GRAMD4: variants seen among roughly 807,000 people sequenced by gnomAD.
GRAMD4 encodes the protein GRAM domain containing 4, also known as GRAM domain-containing protein 4.
A neutral mutation model predicts 83.9 loss-of-function variants in GRAMD4; 25 were observed. The observed-to-expected ratio is 0.30, with a 90% CI of 0.22 to 0.42. The LOEUF is 0.42. Ranked by LOEUF, GRAMD4 falls within the 10% of genes least tolerant of loss-of-function variation. The pLI, the probability that GRAMD4 is intolerant of heterozygous loss-of-function variation, is 1.00. For synonymous variants in GRAMD4, 336 were observed against 320.9 expected, an observed-to-expected ratio of 1.05 and a Z score of -0.50; for missense variants, 593 against 788.7, an observed-to-expected ratio of 0.75 and a Z score of 2.97.
intron 1 of GRAMD4, among the ~76,000 whole-genome samples, chr22:46,577,655 G>T (rs2081056893): frequency 6.6e-6 from 1 of 151,954 alleles, no homozygotes. Flanking sequence ...ATCGGCCCGG[G>T]CCCGCCAATG....
chr22:46,674,490 C>T, intron 15 of GRAMD4, 167 bp from the exon 16 acceptor site: 1 of 657,298 alleles, frequency 1.5e-6, no homozygotes, highest in Non-Finnish European at 2.8e-6. Flanking sequence ...TTTCCACCCT[C>T]TGGGGCCACC....
chr22:46,594,834 G>T (rs561629316), intron 1 of GRAMD4, among the ~76,000 whole-genome samples: 202 of 152,118 alleles, frequency 1.3e-3, no homozygotes, highest in Admixed American at 4.9e-3. Context: ...GGGGTGAGGA[G>T]GGGCGCCCCA....
At chr22:46,630,865 C>CTCCCTCGAGGGCCGTGTGCCCTCA (rs148827605) in intron 2 of GRAMD4, among the ~76,000 whole-genome samples, 1 of 88,570 alleles carries the variant, frequency 1.1e-5, no homozygotes, top group Non-Finnish European at 2.7e-5. Flanking sequence ...CCCTCCATAG[C>CTCCCTCGAGGGCCGTGTGCCCTCA]CCCCCGAGGG....
At chr22:46,634,851 G>A (rs111669591) in intron 2 of GRAMD4, among the ~76,000 whole-genome samples, 1 of 151,896 alleles carries the variant, frequency 6.6e-6, no homozygotes, top group Non-Finnish European at 1.5e-5. Context: ...GCTGAGGCAG[G>A]AGAATCGCTT....
intron 1 of GRAMD4, among the ~76,000 whole-genome samples, chr22:46,625,165 T>A (rs1193179010): frequency 6.6e-6 from 1 of 152,144 alleles, no homozygotes; most frequent in Non-Finnish European, 1.5e-5. Flanking sequence ...CAGCGTCCTG[T>A]GGGTTTTGCA....
At chr22:46,624,858 A>ATT (rs138482) in intron 1 of GRAMD4, among the ~76,000 whole-genome samples, 5 of 116,720 alleles carry the variant, frequency 4.3e-5, no homozygotes, top group Non-Finnish European at 6.9e-5. Context: ...GTCCTGTGGG[A>ATT]TTTTTTTTTT....
chr22:46,647,643 G>T (rs1201289838), intron 3 of GRAMD4, among the ~76,000 whole-genome samples: 1 of 152,260 alleles, frequency 6.6e-6, no homozygotes, highest in Admixed American at 6.5e-5. Flanking sequence ...GATGATGCCT[G>T]TGTTGAATTC....
At chr22:46,611,996 C>CAAAAAAAAA (rs61392000) in intron 1 of GRAMD4, among the ~76,000 whole-genome samples, 42 of 50,078 alleles carry the variant, frequency 8.4e-4, no homozygotes, top group East Asian at 1.5e-3. Flanking sequence ...GACTCCATCT[C>CAAAAAAAAA]AAAAAAAAAA....
intron 1 of GRAMD4, among the ~76,000 whole-genome samples, chr22:46,626,538 G>A (rs2081662257): frequency 6.6e-6 from 1 of 152,130 alleles, no homozygotes; most frequent in Admixed American, 6.5e-5. Context: ...CTCTGGGTCG[G>A]GGTTTTCTTT....
At chr22:46,674,254 G>A (rs781354851) in intron 15 of GRAMD4, among the ~76,000 whole-genome samples, 3 of 152,214 alleles carry the variant, frequency 2.0e-5, no homozygotes, top group Non-Finnish European at 2.9e-5. Context: ...CGGGCAGCTC[G>A]AGGTGTGTGA....
At position 46,663,083 on chromosome 22, in the gene GRAMD4, C is replaced by T. The variant is rs2082353616; in HGVS notation, c.510C>T (p.Phe170=). ...QGLSSRLQKW[F]YERFGEYVED... is the part of the protein sequence containing the mutation. ...TGTCCTCGCGCCTGCAGAAGTGGTT[C>T]TACGAGCGGTTTGGGGAGTACGTGG... Residue 170 remains phenylalanine (F), a synonymous_variant, in exon 6 of 19, where the codon TTC becomes TTT. Transcript: ENST00000406902. 1 of 1,612,172 alleles carries T rather than the reference C, an allele frequency of 6.2e-7. No individual in the cohort carries two copies.
intron 2 of GRAMD4, among the ~76,000 whole-genome samples, chr22:46,637,378 G>T (rs1178747380): frequency 6.6e-6 from 1 of 151,660 alleles, no homozygotes; most frequent in African/African-American, 2.4e-5. Context: ...TCAGCCTCCT[G>T]GGTAGCTGGG....
At chr22:46,576,929 C>A (rs2081046967), upstream of GRAMD4, among the ~76,000 whole-genome samples, 1 of 145,532 alleles carries the variant, frequency 6.9e-6, no homozygotes, top group Non-Finnish European at 1.5e-5. Flanking sequence ...GCCGCGTGAC[C>A]GAGCTGGCGC....
At chr22:46,635,179 A>G (rs377285207) in intron 2 of GRAMD4, among the ~76,000 whole-genome samples, 113 of 75,674 alleles carry the variant, frequency 1.5e-3, no homozygotes, top group East Asian at 5.4e-3. Context: ...GTCCTGGGGA[A>G]CCGTGTCCTC....
At chr22:46,637,734 C>A in intron 2 of GRAMD4, 106 bp from the exon 3 acceptor site, 1 of 1,173,106 alleles carries the variant, frequency 8.5e-7, no homozygotes, top group Non-Finnish European at 1.2e-6. Context: ...CTTTCACATG[C>A]CACTGCTGCC....
intron 3 of GRAMD4, among the ~76,000 whole-genome samples, chr22:46,651,246 C>T (rs559198780): frequency 8.5e-5 from 13 of 152,208 alleles, no homozygotes; most frequent in Non-Finnish European, 1.9e-4. Flanking sequence ...GCATTTTGGG[C>T]CCCTGGCCTC....
upstream of GRAMD4, among the ~76,000 whole-genome samples, chr22:46,615,656 G>T: frequency 1.1e-5 from 1 of 90,976 alleles, no homozygotes; most frequent in East Asian, 3.8e-4. Context: ...GTGCGTGTAG[G>T]TTCCCCCGTG....
intron 2 of GRAMD4, among the ~76,000 whole-genome samples, chr22:46,629,931 G>A (rs189077060): frequency 1.1e-3 from 172 of 152,300 alleles, no homozygotes; most frequent in African/African-American, 4.1e-3. Flanking sequence ...CATAAGGGAC[G>A]CGAGGTTCAT....
rs550227715 is a variant in GRAMD4 at position 46,659,266 on chromosome 22, C to G, written c.404+959C>G. Among the ~76,000 whole-genome samples the G allele has an allele frequency of 1.3e-5, 2 of 151,566 alleles. No individual in the cohort carries two copies. Among genetic ancestry groups the G allele is most frequent in the African/African-American group, 4.9e-5 (2 of 41,230 alleles). On this transcript the variant is annotated intron_variant, in intron 4 of 18. Transcript: ENST00000406902. The surrounding 1 kb of genome is among the most constrained non-coding windows in gnomAD (Gnocchi z 4.1). ...AGCCTCCCCCCTCAGTCTCCACCCT[C>G]AGTTTCTGCCCAGCCTCCCCCCAGC...
Sources: allele counts gnomAD v4.1 joint callset (sites outside exome capture counted in the v4.1 genomes callset), GRCh38; gene constraint gnomAD v4.1.1; non-coding constraint Gnocchi (gnomAD v3.1); transcripts MANE v1.5; gene names NCBI Gene and HGNC (gene_info 2026-07-23, HGNC 2026-07-21).